DCC: variants seen among roughly 807,000 people sequenced by gnomAD.
The protein encoded by DCC is netrin receptor DCC.
Under a neutral mutation model 172.5 loss-of-function variants are expected in DCC, and 58 were observed. The ratio of observed to expected loss-of-function variants is 0.34; its 90% CI spans 0.27 to 0.42. DCC has a LOEUF of 0.42. Among genes scored for constraint, DCC ranks in the 10% least tolerant of loss-of-function variants. The pLI is 1.00. For synonymous variants in DCC, 709 were observed against 644.5 expected (o/e 1.10, Z -1.52); for missense variants, 1,740 against 1,791.0 (o/e 0.97, Z 0.51).
intron 1 of DCC, among the ~76,000 whole-genome samples, chr18:52,683,085 CTG>C (rs1256860896): frequency 1.3e-5 from 2 of 152,026 alleles, no homozygotes; most frequent in African/African-American, 4.8e-5. Context: ...ATCACTGAAA[CTG>C]GTTCTTATTT....
At chr18:52,364,299 A>G (rs1984747415) in intron 1 of DCC, among the ~76,000 whole-genome samples, 2 of 152,230 alleles carry the variant, frequency 1.3e-5, no homozygotes, top group African/African-American at 4.8e-5. Flanking sequence ...CTTATTTACC[A>G]AAGAAAATAT....
chr18:52,677,127 A>G (rs2035658975), intron 1 of DCC, among the ~76,000 whole-genome samples: 1 of 152,216 alleles, frequency 6.6e-6, no homozygotes, highest in African/African-American at 2.4e-5. Context: ...ATGCATTTAA[A>G]TTATGAAACG....
intron 7 of DCC, among the ~76,000 whole-genome samples, chr18:53,066,642 C>T (rs2144092289): frequency 6.6e-6 from 1 of 151,504 alleles, no homozygotes; most frequent in Non-Finnish European, 1.5e-5. Context: ...TATACGTACA[C>T]ACATATCTAT....
chr18:52,487,770 C>G (rs369916074), intron 1 of DCC, among the ~76,000 whole-genome samples: 2 of 136,268 alleles, frequency 1.5e-5, no homozygotes, highest in Non-Finnish European at 3.1e-5. Context: ...TAGATTGTGC[C>G]GCTGCACTCC....
At chr18:52,431,881 C>A (rs1598813406) in intron 1 of DCC, among the ~76,000 whole-genome samples, 1 of 152,132 alleles carries the variant, frequency 6.6e-6, no homozygotes, top group Non-Finnish European at 1.5e-5. Flanking sequence ...CTTTCAGGCC[C>A]TCCATCCATC....
At chr18:53,017,724 T>A (rs1045422776) in intron 5 of DCC, among the ~76,000 whole-genome samples, 2 of 152,196 alleles carry the variant, frequency 1.3e-5, no homozygotes, top group Non-Finnish European at 2.9e-5. Context: ...TAAAATCTAA[T>A]ATAATAGTCT....
intron 1 of DCC, among the ~76,000 whole-genome samples, chr18:52,719,194 C>T (rs1291927490): frequency 2.4e-5 from 3 of 126,732 alleles, no homozygotes; most frequent in African/African-American, 5.2e-5. Flanking sequence ...ACCCTAAACA[C>T]AGGATGATTT....
intron 5 of DCC, among the ~76,000 whole-genome samples, chr18:53,002,850 G>A (rs2041587456): frequency 6.6e-6 from 1 of 152,092 alleles, no homozygotes; most frequent in Non-Finnish European, 1.5e-5. Context: ...CATAGGCAAG[G>A]CTGAATGGCT....
Position 53,284,527 on chromosome 18 carries a change from T to C in DCC, c.1912-21051T>C, listed in dbSNP as rs149032727. Among the ~76,000 whole-genome samples the C allele has an allele frequency of 2.5e-4, 38 of 152,248 alleles. No individual in the cohort carries two copies. In the East Asian group the frequency reaches 7.3e-3, roughly 29 times the overall value. ...TTCACCTTCTGCCATGACTGTGAGGTCTCCCAGCCACATGAAACTGTAAGT... is the reference window on the plus strand; with the variant it reads ...TTCACCTTCTGCCATGACTGTGAGGCCTCCCAGCCACATGAAACTGTAAGT... On this transcript the variant is annotated intron_variant, in intron 12 of 28. Transcript: ENST00000442544.
At chr18:52,411,659 T>A (rs1419365369) in intron 1 of DCC, among the ~76,000 whole-genome samples, 1 of 152,186 alleles carries the variant, frequency 6.6e-6, no homozygotes, top group Non-Finnish European at 1.5e-5. Context: ...CTTAAGATTG[T>A]GGATCCAGTG....
At position 53,103,454 on chromosome 18, in the gene DCC, C is replaced by G. The variant is rs146092147; in HGVS notation, c.1261+37288C>G. On this transcript the variant is annotated intron_variant, in intron 7 of 28. Transcript: ENST00000442544. Reference sequence around the variant, plus strand: ...TGGCATGATCATGACTCAGTGCAGCCTTGACACTTGAGCCTGGGCTCAAGT... The same window carrying G: ...TGGCATGATCATGACTCAGTGCAGCGTTGACACTTGAGCCTGGGCTCAAGT... Among the ~76,000 whole-genome samples the G allele has an allele frequency of 5.3e-5, 8 of 152,126 alleles. No individual in the cohort carries two copies. In the East Asian group the frequency reaches 9.7e-4, roughly 18 times the overall value.
chr18:52,609,433 C>T (rs1016337463), intron 1 of DCC, among the ~76,000 whole-genome samples: 2 of 151,640 alleles, frequency 1.3e-5, no homozygotes, highest in Non-Finnish European at 2.9e-5. Context: ...AACATTCACT[C>T]CATTTGTAAT....
intron 14 of DCC, among the ~76,000 whole-genome samples, chr18:53,330,191 T>C (rs140828370): frequency 9.9e-5 from 15 of 152,284 alleles, no homozygotes; most frequent in African/African-American, 3.4e-4. Flanking sequence ...CAAAGATGGG[T>C]GACTCAACCA....
At chr18:53,452,388 C>A (rs564023918) in intron 23 of DCC, among the ~76,000 whole-genome samples, 9 of 152,192 alleles carry the variant, frequency 5.9e-5, no homozygotes, top group East Asian at 1.9e-4. Context: ...GGTTCCCCCC[C>A]GCCCCGTGTC....
intron 8 of DCC, 141 bp from the exon 9 acceptor site, chr18:53,178,821 G>C: frequency 1.3e-6 from 1 of 782,252 alleles, no homozygotes; most frequent in Non-Finnish European, 2.2e-6. Context: ...AAAGTCTGAG[G>C]TCTTGAATTA....
intron 2 of DCC, among the ~76,000 whole-genome samples, chr18:52,794,435 T>G (rs1274205447): frequency 6.7e-6 from 1 of 149,910 alleles, no homozygotes; most frequent in Non-Finnish European, 1.5e-5. Flanking sequence ...ACGTCCTTCA[T>G]TTTTAAAATC....
chr18:52,787,817 A>G (rs11664308), intron 2 of DCC, among the ~76,000 whole-genome samples: 86,078 of 151,952 alleles, frequency 0.57, 28,226 homozygotes, highest in East Asian at 0.88. Flanking sequence ...TGATGACTCA[A>G]AAAGCAAAAA....
At chr18:52,949,984 A>G (rs960214861) in intron 5 of DCC, among the ~76,000 whole-genome samples, 4 of 152,180 alleles carry the variant, frequency 2.6e-5, no homozygotes, top group South Asian at 2.1e-4. Context: ...ACAATTATTT[A>G]TTGAGGACCT....
chr18:52,566,636 T>A (rs1342023819), intron 1 of DCC, among the ~76,000 whole-genome samples: 1 of 152,090 alleles, frequency 6.6e-6, no homozygotes, highest in Non-Finnish European at 1.5e-5. Flanking sequence ...AAATTAAAAT[T>A]TTAAATTTAA....
Sources: allele counts gnomAD v4.1 joint callset (sites outside exome capture counted in the v4.1 genomes callset), GRCh38; gene constraint gnomAD v4.1.1; transcripts MANE v1.5; gene names NCBI Gene and HGNC (gene_info 2026-07-23, HGNC 2026-07-21).